DNAJC13: variants seen among roughly 807,000 people sequenced by gnomAD.
The protein encoded by DNAJC13 is DnaJ heat shock protein family (Hsp40) member C13.
A neutral mutation model predicts 290.5 loss-of-function variants in DNAJC13; 75 were observed. That is an observed-to-expected ratio of 0.26 (90% CI 0.21 to 0.31). DNAJC13 has a LOEUF of 0.31. Ranked by LOEUF, DNAJC13 falls within the 10% of genes least tolerant of loss-of-function variation. DNAJC13 has a pLI of 1.00. For missense variants in DNAJC13, 2,260 were observed against 2,674.5 expected (o/e 0.85, Z 3.42); for synonymous variants, 862 against 892.0 (o/e 0.97, Z 0.60).
intron 29 of DNAJC13, among the ~76,000 whole-genome samples, chr3:132,487,291 C>T (rs1215376123): frequency 1.3e-5 from 2 of 151,972 alleles, no homozygotes; most frequent in South Asian, 4.1e-4. Context: ...GAGTTTTACT[C>T]TGTCGCCCAG....
At chr3:132,425,377 C>T (rs1011227269) in intron 1 of DNAJC13, among the ~76,000 whole-genome samples, 1 of 152,116 alleles carries the variant, frequency 6.6e-6, no homozygotes, top group Non-Finnish European at 1.5e-5. Context: ...ACAATTTTCA[C>T]CCAACATATT....
intron 48 of DNAJC13, among the ~76,000 whole-genome samples, 181 bp from the exon 49 acceptor site, chr3:132,522,647 A>G (rs1270750842): frequency 6.6e-6 from 1 of 152,186 alleles, no homozygotes; most frequent in African/African-American, 2.4e-5. Flanking sequence ...GTCTTATTTA[A>G]AGGTACCTTT....
intron 20 of DNAJC13, among the ~76,000 whole-genome samples, chr3:132,471,219 A>G (rs1934235074): frequency 3.2e-5 from 4 of 126,636 alleles, no homozygotes; most frequent in Non-Finnish European, 6.8e-5. Context: ...CACCTCCCGG[A>G]CGGGGCGGCT....
chr3:132,525,915 C>T (rs572344657), intron 52 of DNAJC13, 126 bp downstream of exon 52: 3 of 1,244,372 alleles, frequency 2.4e-6, no homozygotes, highest in South Asian at 3.1e-5. Flanking sequence ...ATACGAACCA[C>T]ATGGTATTTT....
chr3:132,463,661 G>A, intron 16 of DNAJC13, 35 bp from the exon 17 acceptor site: 1 of 1,579,978 alleles, frequency 6.3e-7, no homozygotes. Flanking sequence ...GTCCTGGATT[G>A]CCACCTTAGG....
rs1933594995 is a variant in DNAJC13 at position 132,456,256 on chromosome 3, G to C, written c.954G>C (p.Leu318Phe). ...TTAGAGATTCCTTATTAGCAAGTTT[G>C]CTGGATGGAGTAAGAGCCTCTGGTA... ...STERDSLLAS[L>F]LDGVRASGNR... The change falls in exon 10 of 56, where the codon TTG becomes TTC. Residue 318 changes from leucine (L) to phenylalanine (F), a missense_variant. By Grantham distance (22) the Leu-to-Phe change is conservative (BLOSUM62 0). Coordinates refer to ENST00000260818, the MANE Select transcript of DNAJC13 (RefSeq NM_015268.4). The C allele has an allele frequency of 1.2e-6, 2 of 1,612,958 alleles. No individual in the cohort carries two copies. Among genetic ancestry groups the C allele is most frequent in the Non-Finnish European group, 1.7e-6 (2 of 1,179,550 alleles).
At chr3:132,422,501 T>C (rs1938989476) in intron 1 of DNAJC13, among the ~76,000 whole-genome samples, 1 of 152,228 alleles carries the variant, frequency 6.6e-6, no homozygotes, top group African/African-American at 2.4e-5. Context: ...TTCAAAATTT[T>C]AATCAGTGGT....
intron 55 of DNAJC13, among the ~76,000 whole-genome samples, chr3:132,532,621 A>G (rs1936449661): frequency 6.6e-6 from 1 of 152,184 alleles, no homozygotes; most frequent in Non-Finnish European, 1.5e-5. Context: ...AGGCAGTATA[A>G]AAACTTTACC....
intron 32 of DNAJC13, 129 bp from the exon 33 acceptor site, chr3:132,492,285 C>T: frequency 9.6e-7 from 1 of 1,044,946 alleles, no homozygotes; most frequent in Non-Finnish European, 1.4e-6. Flanking sequence ...TTTAAAAGCT[C>T]TCATTTTAGG....
At position 132,478,025 on chromosome 3, in the gene DNAJC13, C is replaced by G. The variant is rs745788208; in HGVS notation, c.2594C>G (p.Pro865Arg). The G allele has an allele frequency of 6.2e-7, 1 of 1,612,808 alleles. No individual in the cohort carries two copies. Residue 865 changes from proline (P) to arginine (R), a missense_variant, in exon 24 of 56, where the codon CCA (proline) becomes CGA (arginine). Around this residue, in one of 3 missense-constraint regions of DNAJC13, gnomAD observed 1,494 missense variants for 1,693.7 expected, o/e 0.88. Transcript: ENST00000260818. ...CTTTATCATCGCTTCTTGCTCACCC[C>G]AAAAGTAAACATGAAGTGTTTATGT... ...NELYHRFLLT[P>R]KVNMKCLCLQ...
At chr3:132,465,649 A>T (rs923577611) in intron 17 of DNAJC13, among the ~76,000 whole-genome samples, 7 of 152,146 alleles carry the variant, frequency 4.6e-5, no homozygotes, top group African/African-American at 1.7e-4. Context: ...CTATATTAGT[A>T]GGACTGGTTA....
chr3:132,502,339 T>G lies in DNAJC13; in HGVS notation c.4587T>G (p.Ala1529=). ...GGGTAGAATGTGTCAGTTCTTTTGC[T>G]GTGGATTTCTGGCTACAGACACACC... ...ALGVECVSSF[A]VDFWLQTHLF... is the part of the protein sequence containing the mutation. Residue 1529 remains alanine (A), a synonymous_variant, in exon 40 of 56, where the codon GCT becomes GCG. Transcript: ENST00000260818. 1 of 1,613,990 alleles carries G rather than the reference T, an allele frequency of 6.2e-7. No individual in the cohort carries two copies. Among genetic ancestry groups the G allele is most frequent in the Non-Finnish European group, 8.5e-7 (1 of 1,179,942 alleles).
Position 132,482,276 on chromosome 3 carries a change from A to T in DNAJC13, c.2925A>T (p.Glu975Asp). 1 of 1,613,830 alleles carries T rather than the reference A, an allele frequency of 6.2e-7. No individual in the cohort carries two copies. Among genetic ancestry groups the T allele is most frequent in the South Asian group, 1.1e-5 (1 of 91,074 alleles). Reference protein sequence around the residue: ...APDMKRESEKEWYFGNADKER... With the variant: ...APDMKRESEKDWYFGNADKER... ...ATATGAAAAGAGAGAGTGAAAAGGA[A>T]TGGTATTTTGGCAACGCAGACAAAG... Residue 975 changes from glutamate (E) to aspartate (D), a missense_variant, in exon 27 of 56, where the codon GAA becomes GAT. By Grantham distance (45) the Glu-to-Asp change is conservative (BLOSUM62 2). Coordinates refer to ENST00000260818, the MANE Select transcript of DNAJC13 (RefSeq NM_015268.4).
chr3:132,484,764 T>A, intron 29 of DNAJC13, 92 bp downstream of exon 29: 1 of 1,257,336 alleles, frequency 8.0e-7, no homozygotes, highest in South Asian at 1.2e-5. Context: ...TGCAGTCTAT[T>A]CCATTTTCAA....
rs1319825984 is a variant in DNAJC13 at position 132,417,515 on chromosome 3, T to G, written c.-259T>G. 6.6e-6 allele frequency: 1 copy of G among 151,806 alleles called. No individual in the cohort carries two copies. 9.4% of individuals were successfully genotyped at this position (151,806 alleles called of 1,614,324 possible). On this transcript the variant is annotated 5_prime_UTR_variant, in exon 1 of 56. Coordinates refer to ENST00000260818, the MANE Select transcript of DNAJC13 (RefSeq NM_015268.4). ...CGCAGGCGTATTAGAGCGCGCTCGC[T>G]CAAAGCCTGAGCGAAGATGGCGGCC... is the stretch of plus-strand genomic sequence containing the variant.
chr3:132,479,157 G>T lies in DNAJC13; in HGVS notation c.2710-70G>T. ...TTCTTATGGGCTGTTGGTTTATTTTGTCTAGTAATAGTAATACCTTAATTT... is the reference window on the plus strand; with the variant it reads ...TTCTTATGGGCTGTTGGTTTATTTTTTCTAGTAATAGTAATACCTTAATTT... On this transcript the variant is annotated intron_variant, in intron 24 of 55. Transcript: ENST00000260818. 1.1e-6 allele frequency: 1 copy of T among 939,658 alleles called. No individual in the cohort carries two copies. Among genetic ancestry groups the T allele is most frequent in the Non-Finnish European group, 1.7e-6 (1 of 601,744 alleles). 58.2% of individuals were successfully genotyped at this position (939,658 alleles called of 1,614,324 possible). A position where few individuals can be genotyped will look rare whatever the true frequency, so the allele number is the denominator to read the frequency against.
At chr3:132,456,473 C>G (rs1268428058) in intron 10 of DNAJC13, 28 bp from the exon 11 acceptor site, 2 of 1,609,148 alleles carry the variant, frequency 1.2e-6, no homozygotes, top group Non-Finnish European at 8.5e-7. Context: ...TTCGTATCTT[C>G]TTTTTGAACC....
chr3:132,504,293 A>C (rs1369519950), intron 41 of DNAJC13, among the ~76,000 whole-genome samples: 1 of 147,016 alleles, frequency 6.8e-6, no homozygotes, highest in Non-Finnish European at 1.5e-5. Context: ...GAAAGGCAGG[A>C]GCTCTAGATG....
chr3:132,488,232 TAA>T, intron 29 of DNAJC13, 64 bp from the exon 30 acceptor site: 1 of 1,446,132 alleles, frequency 6.9e-7, no homozygotes, highest in South Asian at 1.5e-5. Flanking sequence ...GCATATGAAA[TAA>T]AAAACCTAAA....
Sources: gnomAD v4.1 joint callset for allele counts (sites outside exome capture counted in the v4.1 genomes callset) on GRCh38, gnomAD v4.1.1 for gene constraint, gnomAD v4.1.1 regional missense constraint, MANE v1.5 for transcripts, NCBI Gene and HGNC (gene_info 2026-07-23, HGNC 2026-07-21) for gene names.